CACNA1H: variants seen among roughly 807,000 people sequenced by gnomAD.
CACNA1H encodes the protein voltage-dependent T-type calcium channel subunit alpha-1H.
A neutral mutation model predicts 192.5 loss-of-function variants in CACNA1H; 149 were observed. That is an observed-to-expected ratio of 0.77 (90% confidence interval 0.68 to 0.89). The LOEUF (loss-of-function observed/expected upper bound fraction) is 0.89. Ranked by LOEUF, CACNA1H falls within the 40% of genes least tolerant of loss-of-function variation. The pLI is 0.00. For missense variants in CACNA1H, 4,257 were observed against 3,423.5 expected, an observed-to-expected ratio of 1.24 and a Z score of -6.08; for synonymous variants, 2,202 against 1,475.2, an observed-to-expected ratio of 1.49 and a Z score of -11.29.
At chr16:1,195,606 G>A (rs765201603) in intron 4 of CACNA1H, 41 bp downstream of exon 4, 6 of 1,567,678 alleles carry the variant, frequency 3.8e-6, no homozygotes, top group Non-Finnish European at 5.2e-6. Flanking sequence ...TGGCGAAGGG[G>A]CCCCGCCCAC....
rs768580487 is a variant in CACNA1H, at chr16:1,195,047, C to G, written c.375C>G (p.Asp125Glu). Residue 125 changes from aspartate (D) to glutamate (E), a missense_variant, in exon 3 of 35, where the codon GAC becomes GAG. Physicochemically the swap from Asp to Glu is conservative, Grantham distance 45. Coordinates refer to ENST00000348261, the MANE Select transcript of CACNA1H (RefSeq NM_021098.3). ...TGGGCATGTTCCGGCCCTGTGAGGA[C>G]GTTGAGTGCGGCTCCGAGCGCTGCA... ...VTLGMFRPCE[D>E]VECGSERCNI... 1 of 1,605,026 alleles carries G rather than the reference C, an allele frequency of 6.2e-7. No individual in the cohort carries two copies. The highest frequency in any genetic ancestry group is 2.3e-5 in the East Asian group (1 of 44,406).
chr16:1,186,175 A>AG (rs1567476956), intron 2 of CACNA1H, among the ~76,000 whole-genome samples: 5 of 151,402 alleles, frequency 3.3e-5, no homozygotes. Context: ...TAGGGGCCGG[A>AG]GGCGGGGTGT....
At chr16:1,191,379 C>G (rs1966601896) in intron 2 of CACNA1H, among the ~76,000 whole-genome samples, 1 of 101,626 alleles carries the variant, frequency 9.8e-6, no homozygotes, top group Non-Finnish European at 1.9e-5. Context: ...GGCTGTGTGG[C>G]CTCAGGCACA....
At chr16:1,195,647 AG>A in intron 4 of CACNA1H, 82 bp downstream of exon 4, 6 of 1,459,292 alleles carry the variant, frequency 4.1e-6, no homozygotes, top group Non-Finnish European at 5.6e-6. Flanking sequence ...CCACCTGTAA[AG>A]AAAAATGGGA....
In CACNA1H at chr16:1,207,101, A is replaced by G. The variant is rs1968823371; in HGVS notation, c.2890A>G (p.Ile964Val). 2.5e-6 allele frequency: 4 copies of G among 1,595,002 alleles called. No homozygotes were observed. The highest frequency in any genetic ancestry group is 2.6e-6 in the Non-Finnish European group (3 of 1,170,584). Reference sequence around the variant, plus strand: ...GAACTTCGACTCCCTGCTGTGGGCCATCGTCACCGTGTTCCAGGTAGTGCC... The same window carrying G: ...GAACTTCGACTCCCTGCTGTGGGCCGTCGTCACCGTGTTCCAGGTAGTGCC... Reference protein sequence around the residue: ...RKNFDSLLWAIVTVFQILTQE... With the variant: ...RKNFDSLLWAVVTVFQILTQE... The change falls in exon 13 of 35, where the codon ATC (isoleucine) becomes GTC (valine). Residue 964 changes from isoleucine to valine, a missense_variant. Physicochemically the swap from Ile to Val is conservative, Grantham distance 29 (BLOSUM62 3). Transcript: ENST00000348261.
rs1365237198 is a variant in CACNA1H, at chr16:1,220,331, C to T, written c.6399C>T (p.Arg2133=). The T allele has an allele frequency of 6.4e-7, 1 of 1,551,338 alleles. No homozygotes were observed. Among genetic ancestry groups the T allele is most frequent in the Non-Finnish European group, 8.7e-7 (1 of 1,155,610 alleles). The change falls in exon 35 of 35, where the codon CGC becomes CGT. Residue 2133 remains arginine (R), a synonymous_variant. Transcript: ENST00000348261. ...TGGCCGGCGGCGAGCGGGACCTGCGCAGGCTCTACAGCGTGGATGCTCAGG... is the reference window on the plus strand; with the variant it reads ...TGGCCGGCGGCGAGCGGGACCTGCGTAGGCTCTACAGCGTGGATGCTCAGG... ...SPVAGGERDL[R]RLYSVDAQGF...
rs761945003 is a variant in CACNA1H, at chr16:1,213,816, C to A, written c.4814C>A (p.Pro1605His). Residue 1605 changes from proline (P) to histidine (H), a missense_variant, in exon 27 of 35, where the codon CCC becomes CAC. Pro to His is a moderately conservative substitution (Grantham distance 77, BLOSUM62 -2). Coordinates refer to ENST00000348261, the MANE Select transcript of CACNA1H (RefSeq NM_021098.3). ...QRRPYYADYSPTRRSIHSLCT... is the reference protein window; with the variant it reads ...QRRPYYADYSHTRRSIHSLCT... ...CGGCCCTACTATGCCGACTACTCGC[C>A]CACGCGCCGCTCCATTCACTCGCTG... is the stretch of plus-strand genomic sequence containing the variant. 8 of 1,582,452 alleles carry A rather than the reference C, an allele frequency of 5.1e-6. No homozygotes were observed. Among genetic ancestry groups the A allele is most frequent in the Non-Finnish European group, 6.9e-6 (8 of 1,165,972 alleles).
chr16:1,184,207 G>A (rs920026824), intron 2 of CACNA1H, among the ~76,000 whole-genome samples: 9 of 152,360 alleles, frequency 5.9e-5, no homozygotes, highest in East Asian at 1.9e-4. Flanking sequence ...GCATGCATGG[G>A]GCCCCTCCCC....
At chr16:1,175,148 CCTA>C (rs1298309720) in intron 2 of CACNA1H, among the ~76,000 whole-genome samples, 2 of 151,914 alleles carry the variant, frequency 1.3e-5, no homozygotes, top group African/African-American at 2.4e-5. Flanking sequence ...CACGTAATGC[CCTA>C]CTGTGCGCGC....
chr16:1,218,573 G>A lies in CACNA1H; in HGVS notation c.5809G>A (p.Val1937Met), dbSNP rs60040113. ...CAACGACAGCTACATGTTCAGGCCC[G>A]TGGTGCCTGCCTCGGCGCCCCACCC... ...LPNDSYMFRP[V>M]VPASAPHPRP... Residue 1937 changes from valine (V) to methionine (M), a missense_variant, in exon 33 of 35, where the codon GTG becomes ATG. Val to Met is a conservative substitution (Grantham distance 21). Transcript: ENST00000348261. 79 of 1,565,106 alleles carry A rather than the reference G, an allele frequency of 5.0e-5. No homozygotes were observed. The highest frequency in any genetic ancestry group is 3.3e-4 in the Middle Eastern group (2 of 6,012).
chr16:1,195,908 C>A lies in CACNA1H; in HGVS notation c.546-18C>A. On this transcript the variant is annotated intron_variant, in intron 4 of 34. Coordinates refer to ENST00000348261, the MANE Select transcript of CACNA1H (RefSeq NM_021098.3). ...CTGGGCTCCTTGTTGAGCTGCTCCC[C>A]CTCGGCCCCGCCCCCAGCATGATGG... The A allele has an allele frequency of 6.2e-7, 1 of 1,603,978 alleles. No individual in the cohort carries two copies. The highest frequency in any genetic ancestry group is 2.2e-5 in the East Asian group (1 of 44,798).
In CACNA1H at chr16:1,202,448, G is replaced by A; in HGVS notation, c.1998G>A (p.Glu666=). Residue 666 remains glutamate, a synonymous_variant, in exon 9 of 35, where the codon GAG becomes GAA. Coordinates refer to ENST00000348261, the MANE Select transcript of CACNA1H (RefSeq NM_021098.3). ...AGAAGATCCCGCATGTGGTCGGGGAGCATGGTGAGGACCCAGCCCCACCCC... is the reference window on the plus strand; with the variant it reads ...AGAAGATCCCGCATGTGGTCGGGGAACATGGTGAGGACCCAGCCCCACCCC... ...PYEKIPHVVG[E]HGLGQAPGHL... is the part of the protein sequence containing the mutation. 6.7e-7 allele frequency: 1 copy of A among 1,489,378 alleles called. No individual in the cohort carries two copies. Among genetic ancestry groups the A allele is most frequent in the African/African-American group, 1.4e-5 (1 of 72,066 alleles). The allele number at this position is 1,489,378 out of a possible 1,614,324, so 92.3% of individuals were successfully genotyped here.
At chr16:1,196,938 C>T (rs1173159671) in intron 5 of CACNA1H, among the ~76,000 whole-genome samples, 4 of 151,824 alleles carry the variant, frequency 2.6e-5, no homozygotes, top group East Asian at 1.9e-4. Context: ...GATGTGGCCC[C>T]GTGTGTGCAC....
intron 31 of CACNA1H, among the ~76,000 whole-genome samples, chr16:1,217,262 AG>A (rs1457676815): frequency 2.0e-5 from 3 of 152,360 alleles, no homozygotes; most frequent in Non-Finnish European, 4.4e-5. Flanking sequence ...ACACAGACAC[AG>A]GGATGCCTGC....
rs370996432 is a variant in CACNA1H, at chr16:1,215,566, G to C, written c.5217G>C (p.Leu1739=). 42 of 1,611,648 alleles carry C rather than the reference G, an allele frequency of 2.6e-5. No homozygotes were observed. The highest frequency in any genetic ancestry group is 6.7e-5 in the Admixed American group (4 of 59,910). ...LKMATGMRAL[L]DTVVQALPQV... ...TGGCTACGGGCATGCGCGCCCTGCT[G>C]GACACTGTGGTGCAAGCTCTCCCCC... Residue 1739 remains leucine, a synonymous_variant, in exon 30 of 35, where the codon CTG becomes CTC. Transcript: ENST00000348261.
In CACNA1H at chr16:1,210,354, GC is replaced by G; in HGVS notation, c.3846-11del. On this transcript the variant is annotated splice_polypyrimidine_tract_variant and intron_variant, in intron 18 of 34. Transcript: ENST00000348261. ...CGCCGCCCCGCCCCACCTCTCACCC[GC>G]CCCCGCCCACCCAGGTTCCGCGTCT... is the stretch of plus-strand genomic sequence containing the variant. The G allele has an allele frequency of 6.5e-6, 1 of 153,654 alleles. No homozygotes were observed. Among genetic ancestry groups the G allele is most frequent in the Non-Finnish European group, 1.1e-5 (1 of 89,592 alleles). 9.5% of individuals were successfully genotyped at this position (153,654 alleles called of 1,614,324 possible).
Position 1,208,114 on chromosome 16 carries a change from C to G in CACNA1H, c.3256C>G (p.Pro1086Ala). Reference sequence around the variant, plus strand: ...CATGTGCACAGCTGCCACGCCCATGCCTACCCCCAAGAGCTCACCATTCCT... The same window carrying G: ...CATGTGCACAGCTGCCACGCCCATGGCTACCCCCAAGAGCTCACCATTCCT... ...LIMCTAATPM[P>A]TPKSSPFLDA... Residue 1086 changes from proline to alanine, a missense_variant, in exon 16 of 35, where the codon CCT becomes GCT. Physicochemically the swap from Pro to Ala is conservative, Grantham distance 27. Coordinates refer to ENST00000348261, the MANE Select transcript of CACNA1H (RefSeq NM_021098.3). The G allele has an allele frequency of 1.3e-6, 2 of 1,594,516 alleles. No individual in the cohort carries two copies. Among genetic ancestry groups the G allele is most frequent in the South Asian group, 1.1e-5 (1 of 87,590 alleles).
At chr16:1,194,079 C>A (rs930319400) in intron 2 of CACNA1H, among the ~76,000 whole-genome samples, 2 of 152,122 alleles carry the variant, frequency 1.3e-5, no homozygotes, top group Middle Eastern at 3.4e-3. Flanking sequence ...GAGCCGTGGG[C>A]GCTGAGGCCT....
chr16:1,209,922 T>C, intron 17 of CACNA1H, 113 bp from the exon 18 acceptor site: 2 of 765,614 alleles, frequency 2.6e-6, no homozygotes, highest in South Asian at 1.6e-5. Flanking sequence ...GGAGTGAGGA[T>C]GGAGAAGGCT....
Sources: gnomAD v4.1 joint callset for allele counts (sites outside exome capture counted in the v4.1 genomes callset) on GRCh38, gnomAD v4.1.1 for gene constraint, MANE v1.5 for transcripts, NCBI Gene and HGNC (gene_info 2026-07-23, HGNC 2026-07-21) for gene names.